TRIM24: variants seen among roughly 807,000 people sequenced by gnomAD.
TRIM24 encodes the protein tripartite motif containing 24.
TRIM24 carries 29 observed loss-of-function variants against 123.9 expected under a neutral mutation model. That is an observed-to-expected ratio of 0.23 (90% CI 0.17 to 0.32). The LOEUF (loss-of-function observed/expected upper bound fraction) is 0.32. Ranked by LOEUF, TRIM24 falls within the 10% of genes least tolerant of loss-of-function variation. TRIM24 has a pLI of 1.00. For synonymous variants in TRIM24, 456 were observed against 461.1 expected (o/e 0.99, Z 0.14); for missense variants, 932 against 1,295.3 (o/e 0.72, Z 4.31).
Position 138,460,854 on chromosome 7 carries a change from G to A in TRIM24, c.306G>A (p.Pro102=), listed in dbSNP as rs374391787. 3.9e-5 allele frequency: 61 copies of A among 1,557,952 alleles called. No homozygotes were observed. Among genetic ancestry groups the A allele is most frequent in the Non-Finnish European group, 5.1e-5 (59 of 1,160,798 alleles). ...PAPMLGSAET[P]PPVPAPGSPV... is the part of the protein sequence containing the mutation. ...CCATGCTGGGCTCGGCCGAGACCCC[G>A]CCACCCGTCCCTGCCCCCGGCTCGC... Residue 102 remains proline, a synonymous_variant, in exon 1 of 19, where the codon CCG becomes CCA. Coordinates refer to ENST00000343526, the MANE Select transcript of TRIM24 (RefSeq NM_015905.3).
At chr7:138,492,954 G>C (rs1198302189) in intron 1 of TRIM24, among the ~76,000 whole-genome samples, 1 of 152,068 alleles carries the variant, frequency 6.6e-6, no homozygotes, top group Non-Finnish European at 1.5e-5. Context: ...CTTCAGACTG[G>C]ATAATTTCAA....
chr7:138,516,190 T>C (rs1446710659), intron 3 of TRIM24, among the ~76,000 whole-genome samples: 5 of 152,078 alleles, frequency 3.3e-5, no homozygotes, highest in Admixed American at 1.3e-4. Context: ...TAGTCCCAGC[T>C]ACTCGGGAGG....
chr7:138,484,272 G>C (rs916680641), intron 1 of TRIM24, among the ~76,000 whole-genome samples: 1 of 151,890 alleles, frequency 6.6e-6, no homozygotes, highest in Non-Finnish European at 1.5e-5. Flanking sequence ...ACCATGCCTG[G>C]CTAATTTTGT....
intron 1 of TRIM24, among the ~76,000 whole-genome samples, chr7:138,495,695 G>T (rs560783447): frequency 1.6e-4 from 24 of 151,922 alleles, no homozygotes; most frequent in Non-Finnish European, 2.6e-4. Flanking sequence ...CAATCCTCCT[G>T]CTTCAGCCTC....
At chr7:138,464,698 A>G (rs1292658425) in intron 1 of TRIM24, among the ~76,000 whole-genome samples, 1 of 152,196 alleles carries the variant, frequency 6.6e-6, no homozygotes, top group Non-Finnish European at 1.5e-5. Flanking sequence ...GGCCCATGCT[A>G]TAGGCCAAAC....
At chr7:138,568,147 C>A (rs1797574051) in intron 10 of TRIM24, among the ~76,000 whole-genome samples, 1 of 151,558 alleles carries the variant, frequency 6.6e-6, no homozygotes. Flanking sequence ...GAGACAGAGT[C>A]TCTCTCTGTT....
chr7:138,531,240 C>T (rs183567700), intron 6 of TRIM24, among the ~76,000 whole-genome samples: 37 of 146,356 alleles, frequency 2.5e-4, no homozygotes, highest in South Asian at 2.5e-3. Context: ...ACATGTTACA[C>T]GTTACATGTT....
At chr7:138,490,751 A>G in intron 1 of TRIM24, 1 of 495,396 alleles carries the variant, frequency 2.0e-6, no homozygotes. Context: ...CATCATGGAG[A>G]GGAGAAATAG....
intron 2 of TRIM24, among the ~76,000 whole-genome samples, chr7:138,509,305 T>G (rs1796234322): frequency 6.7e-6 from 1 of 149,088 alleles, no homozygotes; most frequent in Middle Eastern, 3.6e-3. Flanking sequence ...AAAAAAAAGT[T>G]TATATATATG....
intron 12 of TRIM24, among the ~76,000 whole-genome samples, 174 bp downstream of exon 12, chr7:138,573,816 CTTTT>C (rs968156611): frequency 3.2e-4 from 48 of 152,248 alleles, no homozygotes; most frequent in Middle Eastern, 3.4e-3. Flanking sequence ...TCCTTTCTTT[CTTTT>C]GAGTCACAGT....
At chr7:138,582,081 GA>G (rs202239935) in intron 17 of TRIM24, among the ~76,000 whole-genome samples, 3 of 151,666 alleles carry the variant, frequency 2.0e-5, no homozygotes, top group Non-Finnish European at 2.9e-5. Flanking sequence ...GAAGCTGTTG[GA>G]AAAAAAACTT....
chr7:138,533,817 A>G (rs1439552117), intron 6 of TRIM24, among the ~76,000 whole-genome samples: 1 of 152,214 alleles, frequency 6.6e-6, no homozygotes, highest in East Asian at 1.9e-4. Flanking sequence ...TACCTCTGGT[A>G]GAATTTGGCT....
At chr7:138,545,508 C>G (rs1797085013) in intron 7 of TRIM24, 2 of 456,632 alleles carry the variant, frequency 4.4e-6, no homozygotes, top group South Asian at 3.1e-5. Flanking sequence ...TAGGAAGGGC[C>G]CAAAGATGTG....
chr7:138,551,374 C>G (rs866092525), intron 8 of TRIM24, among the ~76,000 whole-genome samples, 194 bp downstream of exon 8: 61 of 152,228 alleles, frequency 4.0e-4, no homozygotes, highest in Middle Eastern at 3.4e-3. Context: ...TAGGGAGAGC[C>G]CATTTCCACA....
intron 6 of TRIM24, 110 bp downstream of exon 6, chr7:138,529,340 AT>A (rs1007156900): frequency 6.3e-4 from 360 of 569,610 alleles, no homozygotes; most frequent in Middle Eastern, 1.1e-3. Context: ...GTGATTTAAT[AT>A]TTTTTTTTCC....
chr7:138,489,253 G>C (rs1795724758), intron 1 of TRIM24, among the ~76,000 whole-genome samples: 1 of 152,166 alleles, frequency 6.6e-6, no homozygotes, highest in Non-Finnish European at 1.5e-5. Flanking sequence ...GTGCACGTGA[G>C]ATGGGTCTCC....
chr7:138,567,896 G>C (rs1014595805), intron 10 of TRIM24, among the ~76,000 whole-genome samples: 10 of 152,040 alleles, frequency 6.6e-5, no homozygotes, highest in African/African-American at 2.4e-4. Flanking sequence ...TTATAATATG[G>C]TATGGATAAC....
chr7:138,522,190 G>A (rs1389871674), intron 4 of TRIM24, among the ~76,000 whole-genome samples: 2 of 151,890 alleles, frequency 1.3e-5, no homozygotes, highest in East Asian at 3.9e-4. Context: ...AGAAATAAGG[G>A]CCAGGTGCAG....
At chr7:138,571,380 A>C (rs138779592) in intron 11 of TRIM24, among the ~76,000 whole-genome samples, 1 of 152,316 alleles carries the variant, frequency 6.6e-6, no homozygotes, top group East Asian at 1.9e-4. Context: ...TTTACAAGTT[A>C]ATTTTAATCC....
Sources: allele counts gnomAD v4.1 joint callset (sites outside exome capture counted in the v4.1 genomes callset), GRCh38; gene constraint gnomAD v4.1.1; transcripts MANE v1.5; gene names NCBI Gene and HGNC (gene_info 2026-07-23, HGNC 2026-07-21).